Variants in EYS observed in about 807,000 individuals in gnomAD.
The protein encoded by EYS is EGF-like photoreceptor maintenance factor.
EYS carries 250 observed loss-of-function variants against 282.1 expected under a neutral mutation model. The ratio of observed to expected loss-of-function variants is 0.89; its 90% CI spans 0.80 to 0.98. The LOEUF (loss-of-function observed/expected upper bound fraction) is 0.98, where lower values mean the gene tolerates loss of function less well. Among genes scored for constraint, EYS ranks in the 50% least tolerant of loss-of-function variants. The probability of loss-of-function intolerance (pLI) is 0.00; values close to 1 mark genes in which losing one functional copy is unlikely to be tolerated. For missense variants in EYS, 4,016 were observed against 3,709.0 expected (o/e 1.08, Z -2.15); for synonymous variants, 1,355 against 1,282.9 (o/e 1.06, Z -1.20).
intron 26 of EYS, among the ~76,000 whole-genome samples, chr6:64,589,595 A>C (rs898404180): frequency 1.3e-5 from 2 of 152,122 alleles, no homozygotes; most frequent in Admixed American, 6.6e-5. Context: ...GAACTGTTAT[A>C]TGAGAAAACT....
chr6:64,741,802 A>T (rs1323831206), intron 22 of EYS, among the ~76,000 whole-genome samples: 1 of 152,152 alleles, frequency 6.6e-6, no homozygotes, highest in Non-Finnish European at 1.5e-5. Flanking sequence ...CCTTCACAGA[A>T]TTGAAGACAG....
chr6:63,854,446 C>G (rs887343123), intron 36 of EYS, among the ~76,000 whole-genome samples: 1 of 151,962 alleles, frequency 6.6e-6, no homozygotes, highest in African/African-American at 2.4e-5. Flanking sequence ...CACACCGAGG[C>G]CTATCAGGGG....
chr6:65,372,264 C>A (rs907721293), intron 8 of EYS, among the ~76,000 whole-genome samples: 16 of 151,810 alleles, frequency 1.1e-4, no homozygotes, highest in Admixed American at 9.9e-4. Flanking sequence ...AAACAACACT[C>A]GATAACTTTA....
At chr6:65,616,766 C>A (rs1020188336) in intron 2 of EYS, among the ~76,000 whole-genome samples, 19 of 147,830 alleles carry the variant, frequency 1.3e-4, no homozygotes, top group African/African-American at 4.9e-4. Flanking sequence ...AGCCTGGTGA[C>A]AGAGTGACAC....
intron 12 of EYS, among the ~76,000 whole-genome samples, chr6:65,079,910 G>A (rs1435529527): frequency 6.6e-6 from 1 of 152,090 alleles, no homozygotes; most frequent in Non-Finnish European, 1.5e-5. Flanking sequence ...AAAGACAGAA[G>A]TGGGATAATA....
At chr6:64,512,309 TGAAA>T (rs1448282160) in intron 26 of EYS, among the ~76,000 whole-genome samples, 1 of 151,726 alleles carries the variant, frequency 6.6e-6, no homozygotes, top group Non-Finnish European at 1.5e-5. Flanking sequence ...CAAATCATGT[TGAAA>T]GAGACAGGAG....
intron 26 of EYS, among the ~76,000 whole-genome samples, chr6:64,548,726 T>C (rs1345424017): frequency 3.3e-5 from 5 of 151,944 alleles, no homozygotes; most frequent in Non-Finnish European, 5.9e-5. Flanking sequence ...ATACCTAATG[T>C]TAAATGACGA....
chr6:64,554,848 C>T (rs1765189617), intron 26 of EYS, among the ~76,000 whole-genome samples: 3 of 151,894 alleles, frequency 2.0e-5, no homozygotes, highest in Admixed American at 2.0e-4. Flanking sequence ...GTTAGAATGG[C>T]TACTATCAAA....
chr6:64,753,985 C>A (rs1007009935), intron 22 of EYS, among the ~76,000 whole-genome samples: 11 of 151,956 alleles, frequency 7.2e-5, no homozygotes, highest in African/African-American at 2.7e-4. Flanking sequence ...GGAAATTAAA[C>A]AATCTATTCC....
At chr6:65,336,549 G>C (rs6911046) in intron 10 of EYS, among the ~76,000 whole-genome samples, 138,592 of 151,502 alleles carry the variant, frequency 0.91, 64,152 homozygotes, top group East Asian at 1. Flanking sequence ...TATTTAAATA[G>C]TAACTGATGT....
intron 39 of EYS, among the ~76,000 whole-genome samples, chr6:63,780,200 A>G (rs1348545759): frequency 1.3e-5 from 2 of 152,212 alleles, no homozygotes; most frequent in African/African-American, 2.4e-5. Flanking sequence ...TAGTGCTGCA[A>G]TAAACATACG....
intron 35 of EYS, among the ~76,000 whole-genome samples, chr6:63,908,514 G>A (rs572185652): frequency 5.3e-5 from 8 of 151,892 alleles, no homozygotes; most frequent in South Asian, 2.1e-4. Context: ...GCAGTGGTGC[G>A]ATCTTGGCTC....
chr6:65,225,186 A>G (rs1766587474), intron 12 of EYS, among the ~76,000 whole-genome samples: 1 of 151,360 alleles, frequency 6.6e-6, no homozygotes, highest in Admixed American at 6.6e-5. Context: ...TATAATATAT[A>G]GAAAAATACA....
At chr6:65,075,733 C>G (rs1005622528) in intron 12 of EYS, among the ~76,000 whole-genome samples, 2 of 151,724 alleles carry the variant, frequency 1.3e-5, no homozygotes, top group African/African-American at 2.4e-5. Flanking sequence ...GAGTTTCTCA[C>G]AGCCTAATAT....
intron 22 of EYS, among the ~76,000 whole-genome samples, chr6:64,656,256 T>G (rs996188088): frequency 2.0e-5 from 3 of 152,022 alleles, no homozygotes; most frequent in Non-Finnish European, 4.4e-5. Context: ...CTTTATTGAG[T>G]GGGTTGGTGG....
chr6:65,655,171 A>T (rs559221604), intron 1 of EYS, among the ~76,000 whole-genome samples: 1 of 151,620 alleles, frequency 6.6e-6, no homozygotes, highest in South Asian at 2.1e-4. Flanking sequence ...GATGACATTG[A>T]AAACTCAGTA....
intron 35 of EYS, among the ~76,000 whole-genome samples, chr6:63,974,557 G>C (rs1766743138): frequency 6.6e-6 from 1 of 151,882 alleles, no homozygotes; most frequent in Admixed American, 6.6e-5. Flanking sequence ...ATTACCTAAG[G>C]GTAGAGAAAA....
intron 12 of EYS, among the ~76,000 whole-genome samples, chr6:65,060,014 C>A (rs1773522666): frequency 2.0e-5 from 3 of 151,930 alleles, no homozygotes; most frequent in Non-Finnish European, 4.4e-5. Context: ...CTTCTGATCC[C>A]AGCTTCCCCT....
At chr6:64,792,473 C>T (rs1316064371) in intron 22 of EYS, among the ~76,000 whole-genome samples, 3 of 151,864 alleles carry the variant, frequency 2.0e-5, no homozygotes, top group Admixed American at 2.0e-4. Flanking sequence ...ATTATACGTG[C>T]TGTGACAGTT....
Sources: allele counts gnomAD v4.1 joint callset (sites outside exome capture counted in the v4.1 genomes callset), GRCh38; gene constraint gnomAD v4.1.1; transcripts MANE v1.5; gene names NCBI Gene and HGNC (gene_info 2026-07-23, HGNC 2026-07-21).